Variants in FAM76A observed in about 807,000 individuals in gnomAD.
FAM76A encodes the protein family with sequence similarity 76 member A.
Under a neutral mutation model 46.2 loss-of-function variants are expected in FAM76A, and 32 were observed. The observed-to-expected ratio is 0.69, with a 90% confidence interval of 0.52 to 0.93. The LOEUF (loss-of-function observed/expected upper bound fraction) is 0.93, where lower values mean the gene tolerates loss of function less well. FAM76A is among the 40% of genes least tolerant of loss of function. The probability of loss-of-function intolerance (pLI) is 0.00; values close to 1 mark genes in which losing one functional copy is unlikely to be tolerated. For synonymous variants in FAM76A, 137 were observed against 127.0 expected (o/e 1.08, Z -0.53); for missense variants, 274 against 361.5 (o/e 0.76, Z 1.96).
intron 4 of FAM76A, among the ~76,000 whole-genome samples, chr1:27,742,826 C>T (rs771612837): frequency 7.9e-5 from 12 of 151,942 alleles, no homozygotes; most frequent in Admixed American, 2.0e-4. Context: ...TTTGGGAGGC[C>T]GAGGCGGGCA....
chr1:27,726,224 A>T, intron 1 of FAM76A, 63 bp downstream of exon 1: 1 of 1,221,218 alleles, frequency 8.2e-7, no homozygotes, highest in South Asian at 3.6e-5. Context: ...GGAGCTCCAG[A>T]TTCTGTGGGG....
chr1:27,746,019 A>G (rs1217754121), intron 5 of FAM76A, among the ~76,000 whole-genome samples: 1 of 152,176 alleles, frequency 6.6e-6, no homozygotes, highest in Non-Finnish European at 1.5e-5. Flanking sequence ...ATCTTCATTT[A>G]AAAAATTAAC....
In FAM76A at chr1:27,725,991, A is replaced by G. The variant is rs1484188190; in HGVS notation, c.-90A>G. 13 of 1,055,772 alleles carry G rather than the reference A, an allele frequency of 1.2e-5. No individual in the cohort carries two copies. In the South Asian group the frequency reaches 5.1e-4, roughly 42 times the overall value. 65.4% of individuals were successfully genotyped at this position (1,055,772 alleles called of 1,614,324 possible). A position where few individuals can be genotyped will look rare whatever the true frequency, so the allele number is the denominator to read the frequency against. On this transcript the variant is annotated 5_prime_UTR_variant, in exon 1 of 9. Transcript: ENST00000373954. ...CGCCCGCCCGCCTGCCGCAGCCAGCAGCCTGCAGCCGCCGCCGGGTTGTGC... is the reference window on the plus strand; with the variant it reads ...CGCCCGCCCGCCTGCCGCAGCCAGCGGCCTGCAGCCGCCGCCGGGTTGTGC...
At chr1:27,727,397 C>A in intron 1 of FAM76A, 75 bp from the exon 2 acceptor site, 1 of 1,194,142 alleles carries the variant, frequency 8.4e-7, no homozygotes, top group Non-Finnish European at 1.2e-6. Context: ...AGAAATAGTA[C>A]CCAGGTCGGC....
chr1:27,739,055 T>C (rs773591891), intron 4 of FAM76A: 6 of 233,472 alleles, frequency 2.6e-5, no homozygotes, highest in African/African-American at 9.3e-5. Context: ...TAAGTCAACA[T>C]AGGCCATGAG....
intron 6 of FAM76A, among the ~76,000 whole-genome samples, chr1:27,753,031 AC>A (rs2088355686): frequency 6.6e-6 from 1 of 152,186 alleles, no homozygotes; most frequent in South Asian, 2.1e-4. Flanking sequence ...ATGGTGGCGC[AC>A]GCCTGTAATC....
chr1:27,746,764 T>C (rs572855146), intron 5 of FAM76A, among the ~76,000 whole-genome samples: 1 of 151,494 alleles, frequency 6.6e-6, no homozygotes, highest in East Asian at 1.9e-4. Context: ...TCACTGGGGG[T>C]AGGGATTATT....
intron 1 of FAM76A, 65 bp from the exon 2 acceptor site, chr1:27,727,407 C>T: frequency 2.2e-6 from 3 of 1,385,744 alleles, no homozygotes; most frequent in African/African-American, 1.4e-5. Context: ...CCCAGGTCGG[C>T]TTCCTACTGA....
intron 6 of FAM76A, among the ~76,000 whole-genome samples, chr1:27,752,733 G>C (rs992442601): frequency 1.3e-5 from 2 of 152,188 alleles, no homozygotes; most frequent in Non-Finnish European, 2.9e-5. Flanking sequence ...ACGAGCTTTT[G>C]TAAAAGACAA....
chr1:27,748,926 A>G (rs1183380534), intron 5 of FAM76A, 142 bp from the exon 6 acceptor site: 1 of 559,930 alleles, frequency 1.8e-6, no homozygotes, highest in African/African-American at 1.9e-5. Flanking sequence ...TCACCTTGGT[A>G]GATTCTTTAT....
At position 27,749,640 on chromosome 1, in the gene FAM76A, G is replaced by A. The variant is rs559747766; in HGVS notation, c.599+486G>A. Among the ~76,000 whole-genome samples, 218 of 152,272 alleles carry A rather than the reference G, an allele frequency of 1.4e-3. 1 individual carries two copies. Among genetic ancestry groups the A allele is most frequent in the African/African-American group, 5.2e-3 (214 of 41,548 alleles). ...CAAAGTGCGGGGATTACAGGCATGAGCCACCTTGCCCAGCTTCCCCTACAC... is the reference window on the plus strand; with the variant it reads ...CAAAGTGCGGGGATTACAGGCATGAACCACCTTGCCCAGCTTCCCCTACAC... On this transcript the variant is annotated intron_variant, in intron 6 of 8. Coordinates refer to ENST00000373954, the MANE Select transcript of FAM76A (RefSeq NM_152660.3).
In FAM76A at chr1:27,759,765, G is replaced by GGTTTTTTTTTTTTT. The variant is rs2088471946; in HGVS notation, c.837+151_837+152insTGTTTTTTTTTTTT. The stretch of plus-strand genomic sequence containing the variant: ...ACAAATCATGTTAATCCCCCTTTTA[G>GGTTTTTTTTTTTTT]GTTTTTTTTTTTTGTTTTTTTTTTG... On this transcript the variant is annotated intron_variant, in intron 8 of 8. Coordinates refer to ENST00000373954, the MANE Select transcript of FAM76A (RefSeq NM_152660.3). 1.6e-5 allele frequency: 10 copies of GGTTTTTTTTTTTTT among 611,848 alleles called. No homozygotes were observed. The African/African-American group carries it at 2.3e-4, about 14-fold the overall frequency. 37.9% of individuals were successfully genotyped at this position (611,848 alleles called of 1,614,324 possible). A position where few individuals can be genotyped will look rare whatever the true frequency, so the allele number is the denominator to read the frequency against.
chr1:27,745,629 T>C (rs542600910), intron 5 of FAM76A, among the ~76,000 whole-genome samples: 1 of 152,162 alleles, frequency 6.6e-6, no homozygotes, highest in Non-Finnish European at 1.5e-5. Flanking sequence ...CTTAGTATAA[T>C]GTAACGGGTA....
At chr1:27,747,817 G>A (rs1343874175) in intron 5 of FAM76A, among the ~76,000 whole-genome samples, 1 of 152,128 alleles carries the variant, frequency 6.6e-6, no homozygotes, top group Non-Finnish European at 1.5e-5. Context: ...CTATTCGGGA[G>A]GCTGAGGTGG....
chr1:27,750,199 C>T (rs2088309558), intron 6 of FAM76A, among the ~76,000 whole-genome samples: 1 of 151,824 alleles, frequency 6.6e-6, no homozygotes, highest in Non-Finnish European at 1.5e-5. Flanking sequence ...TATAGGCTTA[C>T]CAGGACTGAT....
At chr1:27,758,944 C>T (rs2088460214) in intron 7 of FAM76A, among the ~76,000 whole-genome samples, 1 of 152,122 alleles carries the variant, frequency 6.6e-6, no homozygotes, top group South Asian at 2.1e-4. Flanking sequence ...CAAATAATCT[C>T]TGTTATCTCA....
chr1:27,735,117 T>G (rs1167029609), intron 4 of FAM76A, among the ~76,000 whole-genome samples: 4 of 152,244 alleles, frequency 2.6e-5, no homozygotes, highest in African/African-American at 9.6e-5. Flanking sequence ...GTAGTCTGTC[T>G]GACATGCGGA....
chr1:27,726,253 G>A (rs2087856774), intron 1 of FAM76A, 92 bp downstream of exon 1: 2 of 1,122,720 alleles, frequency 1.8e-6, no homozygotes, highest in African/African-American at 1.6e-5. Flanking sequence ...CGGGGTCCCC[G>A]GAGCAGGGTG....
At chr1:27,726,320 C>A (rs976125173) in intron 1 of FAM76A, among the ~76,000 whole-genome samples, 159 bp downstream of exon 1, 2 of 151,846 alleles carry the variant, frequency 1.3e-5, no homozygotes, top group African/African-American at 4.8e-5. Context: ...CGGCGGGGCA[C>A]GTGCGGGAGC....
Sources: allele counts gnomAD v4.1 joint callset (sites outside exome capture counted in the v4.1 genomes callset), GRCh38; gene constraint gnomAD v4.1.1; transcripts MANE v1.5; gene names NCBI Gene and HGNC (gene_info 2026-07-23, HGNC 2026-07-21).